The following CCDC73 variants were observed in gnomAD, a reference collection of about 807,000 sequenced individuals.
CCDC73 encodes coiled-coil domain containing 73, also known as coiled-coil domain-containing protein 73.
Under a neutral mutation model 116.5 loss-of-function variants are expected in CCDC73, and 95 were observed. The observed-to-expected ratio is 0.82, with a 90% CI of 0.69 to 0.97. The LOEUF is 0.97. Ranked by LOEUF, CCDC73 falls within the 50% of genes least tolerant of loss-of-function variation. The probability of loss-of-function intolerance (pLI) is 0.00; values close to 1 mark genes in which losing one functional copy is unlikely to be tolerated. For synonymous variants in CCDC73, 398 were observed against 401.3 expected (o/e 0.99, Z 0.10); for missense variants, 1,066 against 1,206.8 (o/e 0.88, Z 1.73).
At chr11:32,779,028 A>C (rs1261333792) in intron 1 of CCDC73, among the ~76,000 whole-genome samples, 1 of 152,144 alleles carries the variant, frequency 6.6e-6, no homozygotes, top group East Asian at 1.9e-4. Context: ...CAGAGTTCCA[A>C]CTGATGTGCT....
intron 14 of CCDC73, among the ~76,000 whole-genome samples, chr11:32,619,534 G>A (rs1453883815): frequency 6.6e-6 from 1 of 152,196 alleles, no homozygotes; most frequent in East Asian, 1.9e-4. Context: ...TTAGCTGGGT[G>A]CGGTGGCACA....
At chr11:32,758,358 G>A (rs1002301832) in intron 2 of CCDC73, 4 of 505,694 alleles carry the variant, frequency 7.9e-6, no homozygotes, top group African/African-American at 5.8e-5. Context: ...TAATAGAATT[G>A]TTTACCTTTA....
chr11:32,765,177 AC>A (rs373562973), intron 1 of CCDC73, among the ~76,000 whole-genome samples: 1 of 152,060 alleles, frequency 6.6e-6, no homozygotes, highest in African/African-American at 2.4e-5. Context: ...AGACTTTAAC[AC>A]CCCCACTGTC....
chr11:32,643,897 T>C (rs967348661), intron 12 of CCDC73, among the ~76,000 whole-genome samples: 3 of 152,160 alleles, frequency 2.0e-5, no homozygotes, highest in Admixed American at 1.3e-4. Flanking sequence ...TTTGACTCTT[T>C]TGAAATAACA....
chr11:32,686,714 C>T lies in CCDC73; in HGVS notation c.391-3140G>A, dbSNP rs144221683. On this transcript the variant is annotated intron_variant, in intron 6 of 17. Coordinates refer to ENST00000335185, the MANE Select transcript of CCDC73 (RefSeq NM_001008391.4). Reference sequence around the variant, plus strand: ...TCTGCATTTTATTCTTTCTCAATTACAATCCACAGCTATATTTTATCAATA... The same window carrying T: ...TCTGCATTTTATTCTTTCTCAATTATAATCCACAGCTATATTTTATCAATA... 7.2e-3 allele frequency among the ~76,000 whole-genome samples: 1,089 copies of T among 152,266 alleles called. 17 individuals carry two copies. Among genetic ancestry groups the T allele is most frequent in the African/African-American group, 0.025 (1,050 of 41,542 alleles).
At chr11:32,742,592 C>T (rs532171866) in intron 2 of CCDC73, among the ~76,000 whole-genome samples, 24 of 152,142 alleles carry the variant, frequency 1.6e-4, no homozygotes, top group Non-Finnish European at 3.1e-4. Flanking sequence ...AAAATTTTCT[C>T]CCATTCTGTA....
At chr11:32,606,589 T>C (rs568176107) in intron 17 of CCDC73, among the ~76,000 whole-genome samples, 10 of 152,354 alleles carry the variant, frequency 6.6e-5, no homozygotes, top group African/African-American at 1.7e-4. Flanking sequence ...GAGTTTGTTT[T>C]ATATGCATCA....
chr11:32,709,368 G>A (rs1849880336), intron 3 of CCDC73, among the ~76,000 whole-genome samples: 1 of 151,978 alleles, frequency 6.6e-6, no homozygotes, highest in African/African-American at 2.4e-5. Context: ...ATGTGATCTT[G>A]GCTCACTGCA....
rs766704457 is a variant in CCDC73, at chr11:32,642,052, C to A, written c.970G>T (p.Glu324Ter). 1 of 1,569,508 alleles carries A rather than the reference C, an allele frequency of 6.4e-7. No homozygotes were observed. Among genetic ancestry groups the A allele is most frequent in the South Asian group, 1.2e-5 (1 of 82,066 alleles). Residue 324 changes from glutamate (E) to a stop codon, truncating the protein, a stop_gained, in exon 13 of 18, where the codon GAG becomes TAG. Transcript: ENST00000335185. LOFTEE classifies it high-confidence loss of function. Reference sequence around the variant, plus strand: ...TTTTCTTCATTTTCTTTTACCTTCTCCCTTTGCAGCTCATTATCTCTTTCA... The same window carrying A: ...TTTTCTTCATTTTCTTTTACCTTCTACCTTTGCAGCTCATTATCTCTTTCA... ...TLERDNELQR[E>*]KVKENEEKFL...
chr11:32,710,210 T>C (rs1159324277), intron 3 of CCDC73, among the ~76,000 whole-genome samples: 1 of 152,198 alleles, frequency 6.6e-6, no homozygotes, highest in East Asian at 1.9e-4. Flanking sequence ...CTGATCTTTG[T>C]TATTTCTTTT....
rs776266105 is a variant in CCDC73, at chr11:32,613,407, ACTTT to A, written c.2896+11_2896+14del. 1 of 1,558,774 alleles carries A rather than the reference ACTTT, an allele frequency of 6.4e-7. No homozygotes were observed. Among genetic ancestry groups the A allele is most frequent in the Non-Finnish European group, 8.7e-7 (1 of 1,144,166 alleles). ...AAAATATTTTGAGAATTAAAACATT[ACTTT>A]GTTTTCTTACCTGGTCCAATATCCT... On this transcript the variant is annotated intron_variant, in intron 16 of 17. Transcript: ENST00000335185.
intron 9 of CCDC73, among the ~76,000 whole-genome samples, chr11:32,668,738 A>C (rs1258363977): frequency 1.3e-5 from 2 of 152,186 alleles, no homozygotes; most frequent in Non-Finnish European, 2.9e-5. Flanking sequence ...ACCATGTTAC[A>C]CATAGATGTT....
intron 1 of CCDC73, among the ~76,000 whole-genome samples, chr11:32,765,094 G>A (rs1012874088): frequency 1.3e-5 from 2 of 152,092 alleles, no homozygotes; most frequent in African/African-American, 4.8e-5. Flanking sequence ...CCCAATACAG[G>A]ATCACCCAGA....
At chr11:32,762,073 G>A (rs1360611284) in intron 1 of CCDC73, among the ~76,000 whole-genome samples, 1 of 152,140 alleles carries the variant, frequency 6.6e-6, no homozygotes, top group African/African-American at 2.4e-5. Context: ...ACAACATTAT[G>A]TAGACTGCTG....
intron 9 of CCDC73, among the ~76,000 whole-genome samples, chr11:32,660,230 A>G (rs1389858306): frequency 4.8e-5 from 1 of 20,698 alleles, no homozygotes; most frequent in Non-Finnish European, 1.4e-4. Flanking sequence ...TCTCTCTACC[A>G]AAAAAAAAAA....
intron 6 of CCDC73, among the ~76,000 whole-genome samples, chr11:32,689,444 G>C (rs1224526076): frequency 6.6e-6 from 1 of 151,962 alleles, no homozygotes; most frequent in African/African-American, 2.4e-5. Flanking sequence ...AGCATTAGCT[G>C]GTAGCCACTG....
chr11:32,760,334 A>T, intron 1 of CCDC73, 76 bp from the exon 2 acceptor site: 1 of 831,920 alleles, frequency 1.2e-6, no homozygotes, highest in Non-Finnish European at 1.9e-6. Flanking sequence ...CCATAAAAAT[A>T]TAACAACCTG....
intron 14 of CCDC73, among the ~76,000 whole-genome samples, chr11:32,635,425 T>A (rs1024699334): frequency 2.6e-5 from 4 of 152,136 alleles, no homozygotes. Context: ...ATCAACTGAT[T>A]TTCAAAGAAA....
chr11:32,705,528 C>T (rs1849848742), intron 3 of CCDC73, among the ~76,000 whole-genome samples: 1 of 152,170 alleles, frequency 6.6e-6, no homozygotes, highest in South Asian at 2.1e-4. Flanking sequence ...CACGCTCACT[C>T]GCTCACACAC....
Sources: allele counts gnomAD v4.1 joint callset (sites outside exome capture counted in the v4.1 genomes callset), GRCh38; gene constraint gnomAD v4.1.1; transcripts MANE v1.5; gene names NCBI Gene and HGNC (gene_info 2026-07-23, HGNC 2026-07-21).